TRMT1L: variants seen among roughly 807,000 people sequenced by gnomAD.
TRMT1L encodes tRNA (guanine(27)-N(2))-dimethyltransferase.
A neutral mutation model predicts 81.6 loss-of-function variants in TRMT1L; 28 were observed. The ratio of observed to expected loss-of-function variants is 0.34; its 90% CI spans 0.25 to 0.47. TRMT1L has a LOEUF of 0.47. Among genes scored for constraint, TRMT1L ranks in the 20% least tolerant of loss-of-function variants. TRMT1L has a pLI of 1.00. For missense variants in TRMT1L, 739 were observed against 877.1 expected, an observed-to-expected ratio of 0.84 and a Z score of 1.99; for synonymous variants, 301 against 303.2, an observed-to-expected ratio of 0.99 and a Z score of 0.07.
At position 185,145,566 on chromosome 1, in the gene TRMT1L, T is replaced by G; in HGVS notation, c.528A>C (p.Ile176=). Residue 176 remains isoleucine (I), a splice_region_variant and synonymous_variant, in exon 5 of 15, where the codon ATA becomes ATC. Transcript: ENST00000367506. The part of the protein sequence containing the change: ...PVKPNIIGEQ[I]TSKMGAHYHC... ...GATAATGGGCTCCCATTTTACTGGT[T>G]ATCTATCAAACAGAGTATTTAATTT... 1 of 1,610,920 alleles carries G rather than the reference T, an allele frequency of 6.2e-7. No homozygotes were observed. Among genetic ancestry groups the G allele is most frequent in the Non-Finnish European group, 8.5e-7 (1 of 1,178,006 alleles).
intron 7 of TRMT1L, among the ~76,000 whole-genome samples, chr1:185,142,964 A>AT (rs1571353158): frequency 1.3e-5 from 2 of 151,210 alleles, no homozygotes; most frequent in East Asian, 3.8e-4. Flanking sequence ...ATATTAAAGA[A>AT]TTATTCTTTA....
intron 10 of TRMT1L, among the ~76,000 whole-genome samples, chr1:185,131,285 G>A (rs1318858776): frequency 6.6e-6 from 1 of 151,986 alleles, no homozygotes; most frequent in Admixed American, 6.6e-5. Context: ...AGCCAAATCC[G>A]TTGGTTTATA....
At chr1:185,142,696 A>C (rs2102248564) in intron 7 of TRMT1L, among the ~76,000 whole-genome samples, 1 of 152,120 alleles carries the variant, frequency 6.6e-6, no homozygotes, top group African/African-American at 2.4e-5. Flanking sequence ...TAAATGACCA[A>C]TTTACAAAAA....
At chr1:185,147,590 C>T (rs1039167232) in intron 3 of TRMT1L, among the ~76,000 whole-genome samples, 4 of 152,114 alleles carry the variant, frequency 2.6e-5, no homozygotes, top group African/African-American at 7.2e-5. Flanking sequence ...TTAGGCTTCA[C>T]CTTTACCTCA....
chr1:185,137,526 C>A (rs775042925), intron 10 of TRMT1L, 80 bp downstream of exon 10: 7 of 1,365,840 alleles, frequency 5.1e-6, no homozygotes, highest in Non-Finnish European at 7.3e-6. Context: ...CAAAGGACAA[C>A]AATATGTATA....
intron 1 of TRMT1L, among the ~76,000 whole-genome samples, chr1:185,152,811 G>C (rs1360119326): frequency 6.6e-6 from 1 of 152,110 alleles, no homozygotes; most frequent in Non-Finnish European, 1.5e-5. Flanking sequence ...AGAAAGGAAG[G>C]GGAAAAGAGA....
chr1:185,147,202 G>A lies in TRMT1L; in HGVS notation c.505C>T (p.Pro169Ser), dbSNP rs200939961. 66 of 1,609,828 alleles carry A rather than the reference G, an allele frequency of 4.1e-5. No individual in the cohort carries two copies. The highest frequency in any genetic ancestry group is 8.4e-5 in the Admixed American group (5 of 59,834). Residue 169 changes from proline (P) to serine (S), a missense_variant, in exon 4 of 15, where the codon CCA (proline) becomes TCA (serine). Physicochemically the swap from Pro to Ser is moderately conservative, Grantham distance 74. Coordinates refer to ENST00000367506, the MANE Select transcript of TRMT1L (RefSeq NM_030934.5). ...ICHLPCRPVK[P>S]NIIGEQITSK... Reference sequence around the variant, plus strand: ...ATCACCTGTTCTCCAATAATGTTTGGTTTCACTGGTCGACAAGGTAAGTGA... The same window carrying A: ...ATCACCTGTTCTCCAATAATGTTTGATTTCACTGGTCGACAAGGTAAGTGA...
At chr1:185,122,970 C>T (rs2102227628) in intron 13 of TRMT1L, among the ~76,000 whole-genome samples, 1 of 152,256 alleles carries the variant, frequency 6.6e-6, no homozygotes, top group Non-Finnish European at 1.5e-5. Context: ...TAGGCATGAG[C>T]CACTATGCCC....
chr1:185,150,572 G>C (rs1653316413), intron 2 of TRMT1L, 80 bp from the exon 3 acceptor site: 2 of 958,782 alleles, frequency 2.1e-6, no homozygotes, highest in Non-Finnish European at 3.2e-6. Context: ...GAGGTTAATG[G>C]GGGCTCCCCC....
At chr1:185,122,026 T>C (rs1033400084) in intron 13 of TRMT1L, among the ~76,000 whole-genome samples, 1 of 152,104 alleles carries the variant, frequency 6.6e-6, no homozygotes, top group African/African-American at 2.4e-5. Flanking sequence ...ACTTGTAAGT[T>C]AGAACATGGG....
intron 13 of TRMT1L, among the ~76,000 whole-genome samples, chr1:185,121,362 A>G (rs1285360728): frequency 1.3e-5 from 2 of 152,070 alleles, no homozygotes; most frequent in Non-Finnish European, 2.9e-5. Context: ...AGTCCCAGCT[A>G]CTTGGGAGGC....
chr1:185,120,021 A>G lies in TRMT1L; in HGVS notation c.2200T>C (p.Ter734GlnextTer2). The G allele has an allele frequency of 6.2e-7, 1 of 1,613,304 alleles. No individual in the cohort carries two copies. ...TGAGAACCAATTCTTCTCTACGTTT[A>G]CCATCTTCTGCAGCCACTTGCTTCT... ...KAEASGCRRW[*>Q] Residue 734 changes from the stop codon to glutamine (Q), a stop_lost, in exon 15 of 15, where the codon TAA becomes CAA. Coordinates refer to ENST00000367506, the MANE Select transcript of TRMT1L (RefSeq NM_030934.5).
chr1:185,147,410 G>A (rs1184089351), intron 3 of TRMT1L, among the ~76,000 whole-genome samples, 164 bp from the exon 4 acceptor site: 2 of 152,062 alleles, frequency 1.3e-5, no homozygotes, highest in African/African-American at 4.8e-5. Context: ...TTATACATGA[G>A]ATATATGTGT....
intron 3 of TRMT1L, among the ~76,000 whole-genome samples, chr1:185,147,566 A>G (rs1433577920): frequency 6.6e-6 from 1 of 152,102 alleles, no homozygotes; most frequent in Admixed American, 6.6e-5. Context: ...ATTCTCTGCC[A>G]CCTTGACTTT....
intron 7 of TRMT1L, among the ~76,000 whole-genome samples, chr1:185,140,867 C>A (rs1410944961): frequency 6.6e-6 from 1 of 150,430 alleles, no homozygotes; most frequent in Non-Finnish European, 1.5e-5. Context: ...GTGGTCCCAG[C>A]TACTTTTGGG....
At chr1:185,157,314 G>C, upstream of TRMT1L, 1 of 153,004 alleles carries the variant, frequency 6.5e-6, no homozygotes, top group Non-Finnish European at 1.5e-5. Flanking sequence ...GCGCTGGTAA[G>C]GTAGGAACTG....
intron 10 of TRMT1L, among the ~76,000 whole-genome samples, chr1:185,135,187 G>GCCCAGCTCA (rs1557987527): frequency 6.6e-6 from 1 of 152,104 alleles, no homozygotes; most frequent in Non-Finnish European, 1.5e-5. Flanking sequence ...AGGCCAAGGC[G>GCCCAGCTCA]GGCGGATTGC....
intron 10 of TRMT1L, among the ~76,000 whole-genome samples, chr1:185,131,850 TC>T (rs935125741): frequency 6.6e-6 from 1 of 151,974 alleles, no homozygotes; most frequent in African/African-American, 2.4e-5. Context: ...AGAAATAACA[TC>T]CCCCAAGGGC....
At chr1:185,148,472 T>C (rs1259755653) in intron 3 of TRMT1L, among the ~76,000 whole-genome samples, 1 of 152,192 alleles carries the variant, frequency 6.6e-6, no homozygotes, top group Non-Finnish European at 1.5e-5. Flanking sequence ...CTACCTTCAA[T>C]TTTACGTCAA....
Sources: allele counts gnomAD v4.1 joint callset (sites outside exome capture counted in the v4.1 genomes callset), GRCh38; gene constraint gnomAD v4.1.1; transcripts MANE v1.5; gene names NCBI Gene and HGNC (gene_info 2026-07-23, HGNC 2026-07-21).